Variants in KCNQ4 observed in about 807,000 individuals in gnomAD.
KCNQ4 encodes potassium voltage-gated channel subfamily Q member 4.
In KCNQ4, 31 loss-of-function variants were observed where a neutral mutation model predicts 72.6. The ratio of observed to expected loss-of-function variants is 0.43; its 90% CI spans 0.32 to 0.58. KCNQ4 has a LOEUF of 0.58. KCNQ4 is among the 20% of genes least tolerant of loss of function. The pLI is 0.08. For missense variants in KCNQ4, 869 were observed against 962.6 expected, an observed-to-expected ratio of 0.90 and a Z score of 1.29; for synonymous variants, 405 against 403.7, an observed-to-expected ratio of 1.00 and a Z score of -0.04.
At position 40,818,554 on chromosome 1, in the gene KCNQ4, G is replaced by A. The variant is rs775535852; in HGVS notation, c.582G>A (p.Gln194=). The A allele has an allele frequency of 2.5e-6, 4 of 1,603,790 alleles. No individual in the cohort carries two copies. The South Asian group carries it at 3.3e-5, about 13-fold the overall frequency. The change falls in exon 4 of 14, where the codon CAG becomes CAA. Residue 194 remains glutamine, a synonymous_variant. Coordinates refer to ENST00000347132, the MANE Select transcript of KCNQ4 (RefSeq NM_004700.4). ...TGGCCGTCATCGCCGCGGGTACCCA[G>A]GGCAACATCTTCGCCACGTCCGCGC... The part of the protein sequence containing the change: ...ASVAVIAAGT[Q]GNIFATSALR...
chr1:40,822,383 A>C lies in KCNQ4; in HGVS notation c.1111A>C (p.Ser371Arg). Residue 371 changes from serine (S) to arginine (R), a missense_variant, in exon 8 of 14, where the codon AGT (serine) becomes CGT (arginine). Coordinates refer to ENST00000347132, the MANE Select transcript of KCNQ4 (RefSeq NM_004700.4). ...YLTATWYYYD[S>R]ILPSFRELAL... ...GACAGCCACCTGGTACTACTATGAC[A>C]GTATCCTCCCATCCTTCAGGTAGGT... 7.8e-7 allele frequency: 1 copy of C among 1,277,514 alleles called. No homozygotes were observed. Among genetic ancestry groups the C allele is most frequent in the East Asian group, 4.6e-5 (1 of 21,712 alleles). 79.1% of individuals were successfully genotyped at this position (1,277,514 alleles called of 1,614,324 possible). A position where few individuals can be genotyped will look rare whatever the true frequency, so the allele number is the denominator to read the frequency against.
intron 4 of KCNQ4, chr1:40,818,916 G>A: frequency 1.6e-6 from 1 of 617,132 alleles, no homozygotes; most frequent in Admixed American, 2.9e-5. Flanking sequence ...GGGCCGGAGA[G>A]GCGGGGCTTG....
chr1:40,809,238 C>T (rs538040325), intron 1 of KCNQ4, among the ~76,000 whole-genome samples: 18 of 152,310 alleles, frequency 1.2e-4, no homozygotes, highest in African/African-American at 4.1e-4. Context: ...CCTGCTGCAC[C>T]GCTGGGGCTC....
chr1:40,797,170 G>A (rs1647439599), intron 1 of KCNQ4, among the ~76,000 whole-genome samples: 1 of 152,194 alleles, frequency 6.6e-6, no homozygotes, highest in Non-Finnish European at 1.5e-5. Flanking sequence ...GCAGTTACCA[G>A]GCAGGGTGAT....
intron 7 of KCNQ4, among the ~76,000 whole-genome samples, chr1:40,821,072 G>A (rs147002271): frequency 5.5e-4 from 83 of 152,206 alleles, no homozygotes; most frequent in Middle Eastern, 3.4e-3. Context: ...CCTCCCTGTC[G>A]CTGTTATCTC....
intron 1 of KCNQ4, among the ~76,000 whole-genome samples, chr1:40,801,133 GA>G (rs931064156): frequency 6.6e-6 from 1 of 151,672 alleles, no homozygotes; most frequent in Non-Finnish European, 1.5e-5. Flanking sequence ...TGGAGGTGGG[GA>G]TAGGGGGCTG....
Position 40,835,021 on chromosome 1 carries a change from C to T in KCNQ4, c.1668C>T (p.Tyr556=), listed in dbSNP as rs140945833. ...AATTCAAGGAGACACTGCGACCGTA[C>T]GACGTGAAGGACGTCATTGAGCAGT... ...KRKFKETLRP[Y]DVKDVIEQYS... is the part of the protein sequence containing the mutation. Residue 556 remains tyrosine (Y), a synonymous_variant, in exon 12 of 14, where the codon TAC becomes TAT. Coordinates refer to ENST00000347132, the MANE Select transcript of KCNQ4 (RefSeq NM_004700.4). 8.0e-5 allele frequency: 129 copies of T among 1,614,018 alleles called. No homozygotes were observed. In the Middle Eastern group the frequency reaches 1.3e-3, roughly 17 times the overall value.
intron 1 of KCNQ4, among the ~76,000 whole-genome samples, chr1:40,795,347 G>A (rs1216195447): frequency 1.4e-5 from 2 of 145,960 alleles, no homozygotes; most frequent in African/African-American, 5.1e-5. Flanking sequence ...CTGCAGCCTT[G>A]AACTCCTGGG....
In KCNQ4 at chr1:40,793,734, G is replaced by A. The variant is rs536042083; in HGVS notation, c.314+9327G>A. Among the ~76,000 whole-genome samples the A allele has an allele frequency of 2.4e-4, 37 of 152,282 alleles. 2 individuals carry two copies. Among genetic ancestry groups the A allele is most frequent in the African/African-American group, 7.9e-4 (33 of 41,530 alleles). On this transcript the variant is annotated intron_variant, in intron 1 of 13. Transcript: ENST00000347132. ...GCATTGCGCTGTTTAGTGCTTCTGTGCTTTTCCTTCTGCCTGCAACTCCCT... is the reference window on the plus strand; with the variant it reads ...GCATTGCGCTGTTTAGTGCTTCTGTACTTTTCCTTCTGCCTGCAACTCCCT...
chr1:40,821,765 G>A (rs1042300591), intron 7 of KCNQ4, among the ~76,000 whole-genome samples: 2 of 152,164 alleles, frequency 1.3e-5, no homozygotes, highest in African/African-American at 4.8e-5. Context: ...GCAGTCTAGG[G>A]GGAGAGAAAG....
intron 12 of KCNQ4, among the ~76,000 whole-genome samples, chr1:40,835,487 C>G (rs1257056041): frequency 6.6e-6 from 1 of 152,240 alleles, no homozygotes; most frequent in Non-Finnish European, 1.5e-5. Context: ...CCTCCCACAT[C>G]TCTCTGGTAG....
intron 1 of KCNQ4, among the ~76,000 whole-genome samples, chr1:40,785,647 T>C (rs1317756409): frequency 6.6e-6 from 1 of 151,972 alleles, no homozygotes; most frequent in Non-Finnish European, 1.5e-5. Flanking sequence ...GTTATCCGGG[T>C]GCCTGTCTGT....
intron 9 of KCNQ4, among the ~76,000 whole-genome samples, chr1:40,828,703 C>T (rs1648554910): frequency 6.6e-6 from 1 of 152,188 alleles, no homozygotes; most frequent in Non-Finnish European, 1.5e-5. Flanking sequence ...CTGATGGGAC[C>T]CTGCACGTTC....
rs968565658 is a variant in KCNQ4, at chr1:40,788,980, A to G, written c.314+4573A>G. The stretch of plus-strand genomic sequence containing the variant: ...CTTTTCCCTGACTTCACAGACACTC[A>G]CCATGGACACACACCCGGGCCCGTG... On this transcript the variant is annotated intron_variant, in intron 1 of 13. Coordinates refer to ENST00000347132, the MANE Select transcript of KCNQ4 (RefSeq NM_004700.4). This position sits in a 1 kb window ranked among gnomAD's most constrained non-coding sequence, Gnocchi z 4.5. 1.3e-5 allele frequency among the ~76,000 whole-genome samples: 2 copies of G among 152,200 alleles called. No homozygotes were observed. The highest frequency in any genetic ancestry group is 4.8e-5 in the African/African-American group (2 of 41,452).
intron 9 of KCNQ4, among the ~76,000 whole-genome samples, chr1:40,829,185 T>A (rs901050360): frequency 1.3e-5 from 2 of 152,224 alleles, no homozygotes; most frequent in East Asian, 3.9e-4. Context: ...TCCACTCTCC[T>A]CTCTTCCTCT....
At chr1:40,815,238 CA>C (rs59957166) in intron 1 of KCNQ4, among the ~76,000 whole-genome samples, 191 of 128,828 alleles carry the variant, frequency 1.5e-3, no homozygotes, top group Non-Finnish European at 1.2e-3. Context: ...GACTCCATCT[CA>C]AAAAAAAAAA....
In KCNQ4 at chr1:40,819,253, A is replaced by G; in HGVS notation, c.709-94A>G. 2.0e-6 allele frequency: 3 copies of G among 1,468,296 alleles called. No homozygotes were observed. The South Asian group carries it at 3.4e-5, about 17-fold the overall frequency. The allele number at this position is 1,468,296 out of a possible 1,614,324, so 91.0% of individuals were successfully genotyped here. A position where few individuals can be genotyped will look rare whatever the true frequency, so the allele number is the denominator to read the frequency against. ...AAAAGCGAGCCTGGGACTCCGGGAG[A>G]TGGGGGACCTTTATCCCTTTCCCGT... is the stretch of plus-strand genomic sequence containing the variant. On this transcript the variant is annotated intron_variant, in intron 4 of 13. Coordinates refer to ENST00000347132, the MANE Select transcript of KCNQ4 (RefSeq NM_004700.4).
chr1:40,819,019 G>C (rs1648192384), intron 4 of KCNQ4: 1 of 561,978 alleles, frequency 1.8e-6, no homozygotes, highest in African/African-American at 1.9e-5. Flanking sequence ...GCTGGAGCGG[G>C]GCTAGGGTGG....
At chr1:40,831,778 A>G (rs1648657700) in intron 10 of KCNQ4, among the ~76,000 whole-genome samples, 1 of 152,246 alleles carries the variant, frequency 6.6e-6, no homozygotes, top group South Asian at 2.1e-4. Flanking sequence ...TGTACTTTGG[A>G]AGCGGCAGGA....
Sources: allele counts gnomAD v4.1 joint callset (sites outside exome capture counted in the v4.1 genomes callset), GRCh38; gene constraint gnomAD v4.1.1; non-coding constraint Gnocchi (gnomAD v3.1); transcripts MANE v1.5; gene names NCBI Gene and HGNC (gene_info 2026-07-23, HGNC 2026-07-21).